Variants in SH3RF2 observed in about 807,000 individuals in gnomAD.
SH3RF2 encodes E3 ubiquitin-protein ligase SH3RF2.
A neutral mutation model predicts 59.0 loss-of-function variants in SH3RF2; 43 were observed. That is an observed-to-expected ratio of 0.73 (90% CI 0.57 to 0.94). The LOEUF (loss-of-function observed/expected upper bound fraction) is 0.94, where lower values mean the gene tolerates loss of function less well. SH3RF2 is among the 40% of genes least tolerant of loss of function. The pLI is 0.00. For missense variants in SH3RF2, 930 were observed against 940.1 expected, an observed-to-expected ratio of 0.99 and a Z score of 0.14; for synonymous variants, 391 against 391.5, an observed-to-expected ratio of 1.00 and a Z score of 0.01.
chr5:146,067,382 G>A (rs1057320697), downstream of SH3RF2, among the ~76,000 whole-genome samples: 2 of 152,152 alleles, frequency 1.3e-5, no homozygotes, highest in Non-Finnish European at 2.9e-5. Context: ...ACTCACCCAC[G>A]TGACCTGCCC....
chr5:145,997,239 C>A (rs1760201265), intron 2 of SH3RF2: 1 of 890,386 alleles, frequency 1.1e-6, no homozygotes, highest in Non-Finnish European at 1.9e-6. Context: ...GACAACCATG[C>A]CTGCAAGTCT....
At chr5:146,075,340 C>G (rs1763319734) in intron 9 of SH3RF2, among the ~76,000 whole-genome samples, 1 of 152,150 alleles carries the variant, frequency 6.6e-6, no homozygotes, top group African/African-American at 2.4e-5. Context: ...ATTTAAAATT[C>G]CCACAAACAG....
rs922247750 is a variant in SH3RF2 at position 146,014,016 on chromosome 5, C to G, written c.1014C>G (p.Thr338=). The part of the protein sequence containing the change: ...LISSSNPSVI[T]QPMEKADVPS... ...GCTCCAGCAACCCCTCTGTGATCACCCAGCCCATGGAGAAAGCAGACGTTC... is the reference window on the plus strand; with the variant it reads ...GCTCCAGCAACCCCTCTGTGATCACGCAGCCCATGGAGAAAGCAGACGTTC... Residue 338 remains threonine, a synonymous_variant, in exon 5 of 10, where the codon ACC becomes ACG. Transcript: ENST00000359120. The G allele has an allele frequency of 6.2e-7, 1 of 1,614,118 alleles. No individual in the cohort carries two copies.
At chr5:146,059,772 A>G (rs951920937) in intron 8 of SH3RF2, 94 bp from the exon 9 acceptor site, 1 of 860,646 alleles carries the variant, frequency 1.2e-6, no homozygotes, top group Non-Finnish European at 1.7e-6. Context: ...GCGCTTGTCT[A>G]TTCTGGGATA....
intron 2 of SH3RF2, among the ~76,000 whole-genome samples, chr5:145,965,643 C>T (rs377055104): frequency 6.6e-6 from 1 of 152,174 alleles, no homozygotes; most frequent in African/African-American, 2.4e-5. Context: ...TGTTTACACT[C>T]ACTACTTGAA....
chr5:146,071,065 C>T (rs1348619854), intron 9 of SH3RF2, among the ~76,000 whole-genome samples: 2 of 152,172 alleles, frequency 1.3e-5, no homozygotes, highest in Non-Finnish European at 2.9e-5. Flanking sequence ...TAATGACCTT[C>T]CCATGAGAAT....
chr5:146,020,462 A>G (rs1203183769), intron 5 of SH3RF2, among the ~76,000 whole-genome samples: 2 of 152,136 alleles, frequency 1.3e-5, no homozygotes, highest in Admixed American at 6.6e-5. Context: ...TCTGGAATTT[A>G]TTTTTGTTGC....
intron 7 of SH3RF2, 25 bp from the exon 8 acceptor site, chr5:146,055,956 T>TA (rs759253454): frequency 2.2e-4 from 337 of 1,506,318 alleles, no homozygotes; most frequent in Admixed American, 4.8e-4. Flanking sequence ...TTTCTTCTCT[T>TA]AAAAAAAAAA....
intron 2 of SH3RF2, among the ~76,000 whole-genome samples, chr5:145,992,861 G>A (rs1760008063): frequency 6.6e-6 from 1 of 152,070 alleles, no homozygotes; most frequent in African/African-American, 2.4e-5. Context: ...AAATCTCACG[G>A]CCTCACATTT....
At chr5:145,989,461 C>T (rs752257670) in intron 2 of SH3RF2, among the ~76,000 whole-genome samples, 1 of 152,194 alleles carries the variant, frequency 6.6e-6, no homozygotes, top group South Asian at 2.1e-4. Flanking sequence ...TAAACACCTA[C>T]TTGTGTACAG....
At chr5:145,950,231 G>T (rs1580758646) in intron 2 of SH3RF2, among the ~76,000 whole-genome samples, 1 of 152,310 alleles carries the variant, frequency 6.6e-6, no homozygotes. Context: ...CTCTCAGGAA[G>T]TGCAGAGTCA....
chr5:146,001,350 G>A (rs1230422709), intron 3 of SH3RF2, among the ~76,000 whole-genome samples: 6 of 152,166 alleles, frequency 3.9e-5, no homozygotes, highest in East Asian at 1.9e-4. Flanking sequence ...AAGGTGTTTC[G>A]TTTTACAAAA....
chr5:146,043,325 A>G (rs1762189654), intron 5 of SH3RF2, among the ~76,000 whole-genome samples: 1 of 152,170 alleles, frequency 6.6e-6, no homozygotes, highest in Non-Finnish European at 1.5e-5. Flanking sequence ...GCCCCCTACC[A>G]TGAGGGTTAC....
chr5:146,022,602 G>A (rs563141791), intron 5 of SH3RF2, among the ~76,000 whole-genome samples: 3 of 152,188 alleles, frequency 2.0e-5, no homozygotes, highest in African/African-American at 7.2e-5. Context: ...GGCCAGGCAC[G>A]GTGGCTCATG....
rs182289330 is a variant in SH3RF2 at position 146,037,773 on chromosome 5, A to G, written c.1060-9999A>G. On this transcript the variant is annotated intron_variant, in intron 5 of 9. Transcript: ENST00000359120. ...CACACTTTCAAGGAAGAGATAATTT[A>G]ACTATTATATAAATTCTTCCAAAGA... 3.1e-3 allele frequency among the ~76,000 whole-genome samples: 477 copies of G among 152,332 alleles called. 4 individuals are homozygous for G. Among genetic ancestry groups the G allele is most frequent in the Admixed American group, 4.5e-3 (69 of 15,294 alleles).
At chr5:146,062,355 G>A (rs1431729076) in intron 9 of SH3RF2, 71 bp from the exon 10 acceptor site, 1 of 1,544,820 alleles carries the variant, frequency 6.5e-7, no homozygotes, top group African/African-American at 1.4e-5. Flanking sequence ...GACATTTCAA[G>A]TGGGGACAAG....
chr5:146,027,996 A>G (rs1460684832), intron 5 of SH3RF2, among the ~76,000 whole-genome samples: 1 of 152,204 alleles, frequency 6.6e-6, no homozygotes, highest in East Asian at 1.9e-4. Flanking sequence ...ACTTTACATC[A>G]TCGTTTTGCC....
chr5:145,951,640 C>T (rs1048412634), intron 2 of SH3RF2, among the ~76,000 whole-genome samples: 2 of 152,154 alleles, frequency 1.3e-5, no homozygotes, highest in African/African-American at 2.4e-5. Flanking sequence ...GTCTGAGGCA[C>T]ATACTATTTC....
intron 2 of SH3RF2, among the ~76,000 whole-genome samples, chr5:145,965,014 G>A (rs1034055573): frequency 6.6e-6 from 1 of 152,054 alleles, no homozygotes; most frequent in South Asian, 2.1e-4. Context: ...GCAACACGGT[G>A]AAACCCCGTC....
Sources: allele counts gnomAD v4.1 joint callset (sites outside exome capture counted in the v4.1 genomes callset), GRCh38; gene constraint gnomAD v4.1.1; transcripts MANE v1.5; gene names NCBI Gene and HGNC (gene_info 2026-07-23, HGNC 2026-07-21).